The following ZNF385D variants were observed in gnomAD, a reference collection of about 807,000 sequenced individuals.
ZNF385D encodes zinc finger protein 385D.
ZNF385D carries 15 observed loss-of-function variants against 35.8 expected under a neutral mutation model. The ratio of observed to expected loss-of-function variants is 0.42; its 90% confidence interval spans 0.28 to 0.64. The LOEUF is 0.64. Among genes scored for constraint, ZNF385D ranks in the 30% least tolerant of loss-of-function variants. The pLI is 0.23. For missense variants in ZNF385D, 474 were observed against 494.6 expected (o/e 0.96, Z 0.39); for synonymous variants, 212 against 186.8 (o/e 1.13, Z -1.10).
chr3:21,995,309 C>A (rs1229112221), intron 3 of ZNF385D, among the ~76,000 whole-genome samples: 2 of 152,286 alleles, frequency 1.3e-5, no homozygotes, highest in Middle Eastern at 3.4e-3. Flanking sequence ...AATTCCCAGG[C>A]CCCCATCAGT....
intron 1 of ZNF385D, among the ~76,000 whole-genome samples, chr3:21,703,287 G>A (rs1212152731): frequency 6.6e-6 from 1 of 152,120 alleles, no homozygotes; most frequent in Non-Finnish European, 1.5e-5. Context: ...TCAGATCCAT[G>A]AGACTTAATC....
chr3:22,232,594 T>G (rs1385197915), intron 2 of ZNF385D, among the ~76,000 whole-genome samples: 1 of 152,176 alleles, frequency 6.6e-6, no homozygotes, highest in Non-Finnish European at 1.5e-5. Flanking sequence ...TGTGACCATG[T>G]GTTCTCATTG....
At chr3:21,587,411 T>TAA (rs970089449) in intron 2 of ZNF385D, among the ~76,000 whole-genome samples, 6 of 152,294 alleles carry the variant, frequency 3.9e-5, no homozygotes, top group Admixed American at 3.3e-4. Flanking sequence ...TACAGGCTTT[T>TAA]AAGTCAGCAA....
chr3:21,823,997 C>T (rs1050371537), intron 3 of ZNF385D, among the ~76,000 whole-genome samples: 10 of 152,062 alleles, frequency 6.6e-5, no homozygotes, highest in Non-Finnish European at 1.5e-5. Flanking sequence ...AAATAAAATG[C>T]AATTGTGAAG....
chr3:21,928,762 C>G (rs61311503), intron 3 of ZNF385D, among the ~76,000 whole-genome samples: 17,727 of 152,066 alleles, frequency 0.12, 1,387 homozygotes, highest in South Asian at 0.22. Context: ...CATAGTAAGA[C>G]ATAAATTTCT....
chr3:21,882,231 C>T (rs553929688), intron 3 of ZNF385D, among the ~76,000 whole-genome samples: 6 of 152,022 alleles, frequency 3.9e-5, no homozygotes, highest in African/African-American at 1.4e-4. Flanking sequence ...AAAGAAAATG[C>T]AGTAAACATC....
chr3:21,525,195 G>A (rs1020653219), intron 3 of ZNF385D, among the ~76,000 whole-genome samples: 10 of 152,078 alleles, frequency 6.6e-5, no homozygotes, highest in Admixed American at 2.6e-4. Context: ...AACTCAGTGA[G>A]ATTTCTAAAA....
chr3:21,956,611 A>T (rs1702302855), intron 3 of ZNF385D, among the ~76,000 whole-genome samples: 1 of 152,040 alleles, frequency 6.6e-6, no homozygotes, highest in Non-Finnish European at 1.5e-5. Flanking sequence ...ATGTCAGAGG[A>T]ATTTGTTCAC....
intron 3 of ZNF385D, among the ~76,000 whole-genome samples, chr3:22,123,149 G>A (rs1045607773): frequency 1.3e-5 from 2 of 151,984 alleles, no homozygotes; most frequent in African/African-American, 4.8e-5. Context: ...AGCATAAGAT[G>A]AGATGCAATG....
At chr3:21,454,768 GT>G (rs1355920064) in intron 4 of ZNF385D, among the ~76,000 whole-genome samples, 1 of 152,142 alleles carries the variant, frequency 6.6e-6, no homozygotes, top group African/African-American at 2.4e-5. Flanking sequence ...GAAATAAAGG[GT>G]ATTCAATTAT....
intron 3 of ZNF385D, among the ~76,000 whole-genome samples, chr3:21,773,322 A>T (rs1251535181): frequency 6.6e-6 from 1 of 151,896 alleles, no homozygotes; most frequent in East Asian, 1.9e-4. Flanking sequence ...TTCTCTTTGG[A>T]ATAGGTTTCT....
At chr3:21,629,686 G>A (rs924531002) in intron 2 of ZNF385D, among the ~76,000 whole-genome samples, 3 of 151,962 alleles carry the variant, frequency 2.0e-5, no homozygotes, top group Non-Finnish European at 2.9e-5. Context: ...CTCCCCTTTG[G>A]GCTACTCTTT....
At chr3:21,734,637 T>A (rs566043198) in intron 1 of ZNF385D, among the ~76,000 whole-genome samples, 5 of 151,912 alleles carry the variant, frequency 3.3e-5, no homozygotes, top group African/African-American at 1.2e-4. Context: ...GACCTCAGGA[T>A]GAGGTAAGGA....
intron 3 of ZNF385D, among the ~76,000 whole-genome samples, chr3:21,828,035 T>C (rs1450666334): frequency 1.3e-5 from 2 of 152,356 alleles, no homozygotes; most frequent in Admixed American, 6.5e-5. Context: ...CTTCTGATTA[T>C]GGTTTTCCTC....
chr3:21,812,424 G>A (rs763511959), intron 3 of ZNF385D, among the ~76,000 whole-genome samples: 1 of 152,262 alleles, frequency 6.6e-6, no homozygotes, highest in Non-Finnish European at 1.5e-5. Context: ...AGTGCAAGAG[G>A]TTGGGGAATT....
chr3:22,187,655 T>G (rs1260023866), intron 2 of ZNF385D, among the ~76,000 whole-genome samples: 1 of 152,134 alleles, frequency 6.6e-6, no homozygotes, highest in Non-Finnish European at 1.5e-5. Context: ...AACATTAAAC[T>G]TGAAAACTTT....
intron 2 of ZNF385D, among the ~76,000 whole-genome samples, chr3:21,597,030 T>C (rs887420325): frequency 1.3e-5 from 2 of 152,172 alleles, no homozygotes; most frequent in Non-Finnish European, 2.9e-5. Context: ...AATGAAATTA[T>C]TTAAAAAGGT....
Position 22,095,113 on chromosome 3 carries a change from T to TG in ZNF385D, c.325+73703dup, listed in dbSNP as rs11328252. On this transcript the variant is annotated intron_variant, in intron 3 of 5. Transcript: ENST00000494108. ...CTTTTTTTTTTTTTTTTTGTAGAGA[T>TG]GGGGGGTCTCAGTATGTTGTCCATG... Among the ~76,000 whole-genome samples, 6 of 131,754 alleles carry TG rather than the reference T, an allele frequency of 4.6e-5. No individual in the cohort carries two copies. In the East Asian group the frequency reaches 6.5e-4, roughly 14 times the overall value. The allele number at this position is 131,754 out of a possible 152,430, so 86.4% of individuals were successfully genotyped here.
chr3:22,075,521 T>A (rs148972625), intron 3 of ZNF385D, among the ~76,000 whole-genome samples: 14 of 152,024 alleles, frequency 9.2e-5, no homozygotes, highest in Admixed American at 3.3e-4. Context: ...CAAATCTTCT[T>A]TCTTGGATTT....
Sources: allele counts gnomAD v4.1 joint callset (sites outside exome capture counted in the v4.1 genomes callset), GRCh38; gene constraint gnomAD v4.1.1; transcripts MANE v1.5; gene names NCBI Gene and HGNC (gene_info 2026-07-23, HGNC 2026-07-21).